The following ATG7 variants were observed in gnomAD, a reference collection of about 807,000 sequenced individuals.
ATG7 encodes the protein autophagy related 7, also known as ubiquitin-like modifier-activating enzyme ATG7.
ATG7 carries 70 observed loss-of-function variants against 82.4 expected under a neutral mutation model. The observed-to-expected ratio is 0.85, with a 90% CI of 0.70 to 1.04. The LOEUF is 1.04. ATG7 is among the 50% of genes least tolerant of loss of function. The pLI, the probability that ATG7 is intolerant of heterozygous loss-of-function variation, is 0.00. For missense variants in ATG7, 792 were observed against 864.3 expected (o/e 0.92, Z 1.05); for synonymous variants, 287 against 313.0 (o/e 0.92, Z 0.88).
At chr3:11,423,243 A>G (rs2082084958) in intron 19 of ATG7, among the ~76,000 whole-genome samples, 1 of 152,214 alleles carries the variant, frequency 6.6e-6, no homozygotes, top group Admixed American at 6.5e-5. Context: ...ACATTTATCT[A>G]TTAAGGTCGC....
At chr3:11,284,823 T>G (rs1227854040) in intron 3 of ATG7, among the ~76,000 whole-genome samples, 3 of 149,120 alleles carry the variant, frequency 2.0e-5, no homozygotes, top group African/African-American at 7.5e-5. Context: ...GTGCTAGGAT[T>G]ACAAGTGTGA....
At chr3:11,380,314 G>A (rs1182471170) in intron 19 of ATG7, among the ~76,000 whole-genome samples, 1 of 152,174 alleles carries the variant, frequency 6.6e-6, no homozygotes, top group African/African-American at 2.4e-5. Flanking sequence ...TGCTAATTTT[G>A]TCTTGAATTT....
chr3:11,438,683 A>G (rs557412194), intron 20 of ATG7, among the ~76,000 whole-genome samples: 23 of 152,198 alleles, frequency 1.5e-4, no homozygotes, highest in Non-Finnish European at 1.0e-4. Flanking sequence ...GTAGTTATGA[A>G]TCCCTTTGAA....
chr3:11,527,039 ATATG>A (rs1229166027), intron 20 of ATG7, among the ~76,000 whole-genome samples: 4 of 111,892 alleles, frequency 3.6e-5, no homozygotes, highest in East Asian at 2.3e-4. Context: ...GTGTGTGTAT[ATATG>A]TGTGTGTGTG....
intron 20 of ATG7, among the ~76,000 whole-genome samples, chr3:11,534,200 C>T (rs2092746017): frequency 6.6e-6 from 1 of 152,252 alleles, no homozygotes; most frequent in Admixed American, 6.5e-5. Flanking sequence ...ACTGGAGATT[C>T]CAGCAGCACC....
chr3:11,559,815 C>T (rs999894261), downstream of ATG7, among the ~76,000 whole-genome samples: 3 of 152,294 alleles, frequency 2.0e-5, no homozygotes, highest in East Asian at 3.9e-4. Flanking sequence ...CCGTTAACGT[C>T]CCCAGAGCCC....
chr3:11,540,358 ATCT>A (rs1345861842), intron 20 of ATG7, among the ~76,000 whole-genome samples: 4 of 152,118 alleles, frequency 2.6e-5, no homozygotes, highest in Non-Finnish European at 4.4e-5. Flanking sequence ...CCACCTGTAG[ATCT>A]TCTTATGTGA....
downstream of ATG7, among the ~76,000 whole-genome samples, chr3:11,561,538 C>A (rs2073005160): frequency 6.6e-6 from 1 of 152,216 alleles, no homozygotes; most frequent in African/African-American, 2.4e-5. Flanking sequence ...GCTCCACCAC[C>A]CCTCCTCCCC....
the ATG7 span, chr3:11,565,110 A>AT: frequency 2.4e-6 from 3 of 1,237,252 alleles, no homozygotes; most frequent in Non-Finnish European, 3.2e-6. The surrounding 1 kb of genome is among the most constrained non-coding windows in gnomAD (Gnocchi z 4.1). Flanking sequence ...TGCTTATTTA[A>AT]TTTTTTACCC....
chr3:11,326,933 T>G (rs1359924786), intron 9 of ATG7, among the ~76,000 whole-genome samples: 1 of 152,144 alleles, frequency 6.6e-6, no homozygotes, highest in Non-Finnish European at 1.5e-5. Context: ...CCCTGTAATG[T>G]TGAGAAAGGA....
intron 20 of ATG7, among the ~76,000 whole-genome samples, chr3:11,489,466 G>T (rs1024668180): frequency 3.0e-5 from 4 of 131,662 alleles, no homozygotes; most frequent in African/African-American, 8.8e-5. Context: ...AGGGTTTTTT[G>T]TGTCTCTATT....
intron 17 of ATG7, 146 bp from the exon 18 acceptor site, chr3:11,364,513 G>T: frequency 1.3e-6 from 1 of 790,804 alleles, no homozygotes. Context: ...CTTTGTCCCA[G>T]GGAAATTAGT....
chr3:11,372,341 A>G (rs1308578317), intron 18 of ATG7, among the ~76,000 whole-genome samples: 2 of 151,082 alleles, frequency 1.3e-5, no homozygotes, highest in Non-Finnish European at 2.9e-5. Context: ...ATGGAACACT[A>G]ATGTTGGTGA....
chr3:11,539,550 T>C (rs964258000), intron 20 of ATG7, among the ~76,000 whole-genome samples: 5 of 152,234 alleles, frequency 3.3e-5, no homozygotes, highest in Non-Finnish European at 7.3e-5. Flanking sequence ...GCGTTGGTGC[T>C]TTAGGGGAAG....
At chr3:11,288,418 G>A (rs1944434905) in intron 3 of ATG7, among the ~76,000 whole-genome samples, 1 of 152,152 alleles carries the variant, frequency 6.6e-6, no homozygotes, top group African/African-American at 2.4e-5. Context: ...AGTAAGACAT[G>A]GTGCTTGTTT....
At chr3:11,471,422 G>A (rs568304755) in intron 20 of ATG7, among the ~76,000 whole-genome samples, 2 of 152,200 alleles carry the variant, frequency 1.3e-5, no homozygotes, top group African/African-American at 2.4e-5. Flanking sequence ...ATATGACTTG[G>A]TCATCTTTAT....
At chr3:11,558,237 A>T (rs1006127787), downstream of ATG7, 16 of 410,082 alleles carry the variant, frequency 3.9e-5, no homozygotes, top group Non-Finnish European at 1.3e-5. Context: ...TGACTGAGAA[A>T]GCGCTGTGGA....
chr3:11,527,063 GTGTGTGTGTATA>G (rs1260545648), intron 20 of ATG7, among the ~76,000 whole-genome samples: 18 of 104,376 alleles, frequency 1.7e-4, no homozygotes, highest in African/African-American at 4.4e-4. Context: ...GTGTGTGTGT[GTGTGTGTGTATA>G]TATATATATA....
At chr3:11,489,011 C>T (rs967232361) in intron 20 of ATG7, among the ~76,000 whole-genome samples, 8 of 151,952 alleles carry the variant, frequency 5.3e-5, no homozygotes, top group Non-Finnish European at 1.2e-4. Context: ...TGGTAGAATT[C>T]GGCTGTGAAT....
Sources: allele counts gnomAD v4.1 joint callset (sites outside exome capture counted in the v4.1 genomes callset), GRCh38; gene constraint gnomAD v4.1.1; non-coding constraint Gnocchi (gnomAD v3.1); transcripts MANE v1.5; gene names NCBI Gene and HGNC (gene_info 2026-07-23, HGNC 2026-07-21).